Variants in CALCR observed in about 807,000 individuals in gnomAD.
CALCR encodes the protein calcitonin receptor.
Under a neutral mutation model 59.5 loss-of-function variants are expected in CALCR, and 47 were observed. The ratio of observed to expected loss-of-function variants is 0.79; its 90% CI spans 0.63 to 1.01. The LOEUF is 1.01. Among genes scored for constraint, CALCR ranks in the 50% least tolerant of loss-of-function variants. The pLI is 0.00. For synonymous variants in CALCR, 213 were observed against 211.3 expected (o/e 1.01, Z -0.07); for missense variants, 566 against 597.1 (o/e 0.95, Z 0.54).
chr7:93,540,983 T>C (rs1789122335), intron 2 of CALCR, among the ~76,000 whole-genome samples: 1 of 151,952 alleles, frequency 6.6e-6, no homozygotes, highest in South Asian at 2.1e-4. Context: ...AAATGACAAA[T>C]GAGTGATTTG....
chr7:93,429,545 C>T (rs1340260645), intron 13 of CALCR, among the ~76,000 whole-genome samples: 3 of 152,126 alleles, frequency 2.0e-5, no homozygotes, highest in Non-Finnish European at 4.4e-5. Flanking sequence ...AACTATTATA[C>T]CTGGCTCTAT....
intron 2 of CALCR, among the ~76,000 whole-genome samples, chr7:93,563,383 G>T (rs1420746285): frequency 6.6e-6 from 1 of 152,108 alleles, no homozygotes; most frequent in African/African-American, 2.4e-5. Flanking sequence ...AGTAATCAAT[G>T]TATGGTTTTG....
At chr7:93,551,134 G>A (rs1789446125) in intron 2 of CALCR, among the ~76,000 whole-genome samples, 1 of 152,180 alleles carries the variant, frequency 6.6e-6, no homozygotes, top group Non-Finnish European at 1.5e-5. Flanking sequence ...AATATGCTGA[G>A]TGTATGTGAA....
intron 13 of CALCR, 132 bp from the exon 14 acceptor site, chr7:93,426,721 CTGTGTAT>C: frequency 1.8e-6 from 1 of 545,722 alleles, no homozygotes; most frequent in Non-Finnish European, 3.2e-6. Context: ...AAGGGCTGGG[CTGTGTAT>C]GCTGTGGCCA....
At chr7:93,448,684 G>C (rs1285320078) in intron 8 of CALCR, among the ~76,000 whole-genome samples, 5 of 151,970 alleles carry the variant, frequency 3.3e-5, no homozygotes, top group Non-Finnish European at 2.9e-5. Flanking sequence ...AGAAAAAATG[G>C]ATCAGACTAG....
intron 2 of CALCR, among the ~76,000 whole-genome samples, chr7:93,522,956 G>C (rs529666021): frequency 6.6e-6 from 1 of 152,086 alleles, no homozygotes; most frequent in Middle Eastern, 3.4e-3. Context: ...TTTTCAGTTT[G>C]TTGAAAATAG....
chr7:93,446,667 G>A (rs974216933), intron 8 of CALCR, among the ~76,000 whole-genome samples: 3 of 151,884 alleles, frequency 2.0e-5, no homozygotes, highest in African/African-American at 7.3e-5. Context: ...ACAAAATGAT[G>A]GGGCCTCTTG....
chr7:93,504,870 A>T (rs1255429280), intron 2 of CALCR, among the ~76,000 whole-genome samples: 1 of 152,138 alleles, frequency 6.6e-6, no homozygotes, highest in Non-Finnish European at 1.5e-5. Flanking sequence ...AAGCAGACGC[A>T]CCCATACAAG....
intron 13 of CALCR, among the ~76,000 whole-genome samples, chr7:93,427,465 G>C (rs1161933069): frequency 1.3e-5 from 2 of 152,092 alleles, no homozygotes; most frequent in Non-Finnish European, 2.9e-5. Context: ...AGTTTCTATT[G>C]CTCAGTACAT....
intron 9 of CALCR, among the ~76,000 whole-genome samples, chr7:93,440,038 A>G (rs1799866763): frequency 6.6e-6 from 1 of 152,150 alleles, no homozygotes; most frequent in Non-Finnish European, 1.5e-5. Flanking sequence ...AATATCTCTT[A>G]TCATTCTTTG....
At chr7:93,426,705 G>T in intron 13 of CALCR, 116 bp from the exon 14 acceptor site, 1 of 614,408 alleles carries the variant, frequency 1.6e-6, no homozygotes. Context: ...TTGTAATTCT[G>T]ATCTAAAGGG....
intron 8 of CALCR, among the ~76,000 whole-genome samples, chr7:93,449,883 T>G (rs780610843): frequency 2.4e-4 from 37 of 152,108 alleles, no homozygotes; most frequent in Non-Finnish European, 4.3e-4. Flanking sequence ...TGTGAGTTCT[T>G]TAGAGGATGG....
intron 7 of CALCR, among the ~76,000 whole-genome samples, chr7:93,464,126 G>A (rs1800394212): frequency 6.6e-6 from 1 of 151,902 alleles, no homozygotes; most frequent in African/African-American, 2.4e-5. Flanking sequence ...TTTCACATTT[G>A]TTTCAAGTTA....
chr7:93,573,973 C>A (rs1419242957), intron 2 of CALCR, among the ~76,000 whole-genome samples: 1 of 152,154 alleles, frequency 6.6e-6, no homozygotes, highest in Non-Finnish European at 1.5e-5. Context: ...ATTTTCCTAC[C>A]CAATAAGTTG....
At chr7:93,520,646 C>G (rs2116086447) in intron 2 of CALCR, among the ~76,000 whole-genome samples, 1 of 152,230 alleles carries the variant, frequency 6.6e-6, no homozygotes, top group African/African-American at 2.4e-5. Context: ...AACATCAACT[C>G]TACAAAAATT....
intron 13 of CALCR, among the ~76,000 whole-genome samples, chr7:93,429,418 T>G (rs1221098832): frequency 3.3e-5 from 5 of 152,172 alleles, no homozygotes; most frequent in Non-Finnish European, 7.3e-5. Context: ...TTATATAAAT[T>G]CATCACTCAC....
intron 2 of CALCR, among the ~76,000 whole-genome samples, chr7:93,519,453 A>G (rs1286236055): frequency 6.6e-6 from 1 of 152,068 alleles, no homozygotes; most frequent in African/African-American, 2.4e-5. Context: ...CATTTGTACA[A>G]TTAGGTAAAT....
chr7:93,543,607 T>C (rs1328196763), intron 2 of CALCR, among the ~76,000 whole-genome samples: 1 of 152,084 alleles, frequency 6.6e-6, no homozygotes, highest in Non-Finnish European at 1.5e-5. Context: ...CACTGTTGTA[T>C]ATGCAGTCCA....
chr7:93,435,359 T>C (rs544701627), intron 12 of CALCR, among the ~76,000 whole-genome samples: 1 of 152,282 alleles, frequency 6.6e-6, no homozygotes, highest in South Asian at 2.1e-4. Flanking sequence ...TCTGTATCTA[T>C]GACCAAGGAG....
Sources: gnomAD v4.1 joint callset for allele counts (sites outside exome capture counted in the v4.1 genomes callset) on GRCh38, gnomAD v4.1.1 for gene constraint, MANE v1.5 for transcripts, NCBI Gene and HGNC (gene_info 2026-07-23, HGNC 2026-07-21) for gene names.